The following TUSC3 variants were observed in gnomAD, a reference collection of about 807,000 sequenced individuals.
The protein encoded by TUSC3 is dolichyl-diphosphooligosaccharide--protein glycosyltransferase subunit TUSC3.
A neutral mutation model predicts 44.8 loss-of-function variants in TUSC3; 45 were observed. That is an observed-to-expected ratio of 1.00 (90% CI 0.79 to 1.29). The LOEUF is 1.29. Among genes scored for constraint, TUSC3 ranks in the 50% most tolerant of loss-of-function variants. TUSC3 has a pLI of 0.00. For synonymous variants in TUSC3, 212 were observed against 152.9 expected (o/e 1.39, Z -2.85); for missense variants, 519 against 437.9 (o/e 1.19, Z -1.65).
chr8:15,831,311 A>C, the TUSC3 span, among the ~76,000 whole-genome samples: 28 of 152,314 alleles, frequency 1.8e-4, no homozygotes, highest in South Asian at 5.6e-3. Context: ...AAGGTCATCA[A>C]CTTCAAACAA....
chr8:15,754,328 C>G (rs1811829237), intron 9 of TUSC3, among the ~76,000 whole-genome samples: 1 of 102,506 alleles, frequency 9.8e-6, no homozygotes, highest in East Asian at 2.5e-4. Context: ...CCATCCAAGA[C>G]AGAAATAAAT....
upstream of TUSC3, among the ~76,000 whole-genome samples, chr8:15,539,301 C>T (rs547819448): frequency 1.3e-5 from 2 of 149,250 alleles, no homozygotes; most frequent in Non-Finnish European, 3.0e-5. Context: ...TAGAACGGAT[C>T]AGGCCCATAT....
chr8:15,489,311 G>C (rs1800775901), intron 2 of TUSC3, among the ~76,000 whole-genome samples: 1 of 152,162 alleles, frequency 6.6e-6, no homozygotes, highest in Admixed American at 6.5e-5. Context: ...TAAAGACCTG[G>C]AATCAATAGA....
chr8:15,611,009 C>A (rs1804738940), intron 1 of TUSC3, among the ~76,000 whole-genome samples: 1 of 151,748 alleles, frequency 6.6e-6, no homozygotes, highest in African/African-American at 2.4e-5. Flanking sequence ...GCTTCTTTTT[C>A]AAAAAAAGTG....
In TUSC3 at chr8:15,764,246, T is replaced by A; in HGVS notation, c.*90T>A. 1.9e-6 allele frequency: 3 copies of A among 1,603,588 alleles called. No homozygotes were observed. The highest frequency in any genetic ancestry group is 2.6e-6 in the Non-Finnish European group (3 of 1,171,990). ...CCAAGTGGGATTTGCATAAAGTGAA[T>A]GTTTACCATGAAGATAAACTGTTCC... On this transcript the variant is annotated 3_prime_UTR_variant, in exon 11 of 11. Coordinates refer to ENST00000503731, the MANE Select transcript of TUSC3 (RefSeq NM_006765.4).
At chr8:15,595,641 A>T (rs1220182860) in intron 1 of TUSC3, among the ~76,000 whole-genome samples, 1 of 152,092 alleles carries the variant, frequency 6.6e-6, no homozygotes, top group East Asian at 1.9e-4. Flanking sequence ...CAGAAATGGA[A>T]GGAGTATATT....
intron 2 of TUSC3, among the ~76,000 whole-genome samples, chr8:15,512,119 A>G (rs58741181): frequency 0.048 from 7,383 of 152,316 alleles, 580 homozygotes; most frequent in African/African-American, 0.16. Context: ...AAAACTTACT[A>G]TAAAGCTATA....
At chr8:15,670,075 C>G (rs1807875430) in intron 5 of TUSC3, among the ~76,000 whole-genome samples, 1 of 151,750 alleles carries the variant, frequency 6.6e-6, no homozygotes, top group Non-Finnish European at 1.5e-5. Flanking sequence ...GATATGCACA[C>G]TGAAAACTGA....
At chr8:15,532,698 A>T (rs148287145) in intron 2 of TUSC3, among the ~76,000 whole-genome samples, 1 of 152,146 alleles carries the variant, frequency 6.6e-6, no homozygotes, top group Non-Finnish European at 1.5e-5. Context: ...AGCTCCCATA[A>T]TTACCATTTG....
At chr8:15,570,179 T>C (rs73665439) in intron 1 of TUSC3, among the ~76,000 whole-genome samples, 1,875 of 152,116 alleles carry the variant, frequency 0.012, 48 homozygotes, top group African/African-American at 0.044. Flanking sequence ...TTGCATGTTA[T>C]ATGTCATCTG....
intron 1 of TUSC3, among the ~76,000 whole-genome samples, chr8:15,617,807 G>T (rs1167438973): frequency 6.6e-6 from 1 of 152,038 alleles, no homozygotes; most frequent in Non-Finnish European, 1.5e-5. Flanking sequence ...CCCAACCCTG[G>T]CTGATCATTT....
Position 15,614,509 on chromosome 8 carries a change from C to T in TUSC3, c.139-8571C>T, listed in dbSNP as rs1804904587. ...CTACTTCTTGTCTTTATAAATTTGC[C>T]TTTCTAGACTTTTTATATAAATGGG... On this transcript the variant is annotated intron_variant, in intron 1 of 10. Transcript: ENST00000503731. 2.6e-5 allele frequency among the ~76,000 whole-genome samples: 4 copies of T among 152,058 alleles called. No homozygotes were observed. The South Asian group carries it at 8.3e-4, about 32-fold the overall frequency.
At chr8:15,467,947 C>G (rs563897398) in intron 1 of TUSC3, among the ~76,000 whole-genome samples, 3 of 152,150 alleles carry the variant, frequency 2.0e-5, no homozygotes, top group East Asian at 1.9e-4. Context: ...ATTTTAAAAA[C>G]TAGTTAAAAT....
chr8:15,551,158 A>G (rs2129136591), intron 1 of TUSC3, among the ~76,000 whole-genome samples: 1 of 151,868 alleles, frequency 6.6e-6, no homozygotes, highest in African/African-American at 2.4e-5. Flanking sequence ...AAAGTTTCCC[A>G]TTAGTTCTCT....
the TUSC3 span, among the ~76,000 whole-genome samples, chr8:15,848,947 C>A: frequency 6.6e-5 from 10 of 152,264 alleles, no homozygotes; most frequent in Admixed American, 2.0e-4. Flanking sequence ...AGTATTACTT[C>A]TTTACCTCAA....
intron 1 of TUSC3, among the ~76,000 whole-genome samples, chr8:15,438,694 C>T (rs1799982260): frequency 1.3e-5 from 2 of 152,194 alleles, no homozygotes; most frequent in African/African-American, 4.8e-5. Context: ...GCATAATGTT[C>T]TGTAGAATAA....
At chr8:15,698,022 T>A (rs1182312722) in intron 6 of TUSC3, among the ~76,000 whole-genome samples, 2 of 152,154 alleles carry the variant, frequency 1.3e-5, no homozygotes, top group African/African-American at 4.8e-5. Context: ...AAATACAAAG[T>A]TAATATACAC....
intron 1 of TUSC3, among the ~76,000 whole-genome samples, chr8:15,548,506 T>A (rs1801951118): frequency 6.6e-6 from 1 of 151,830 alleles, no homozygotes; most frequent in African/African-American, 2.4e-5. Flanking sequence ...GATGCTTTGG[T>A]TGCTGAAACC....
intron 3 of TUSC3, among the ~76,000 whole-genome samples, chr8:15,653,156 C>G (rs1333635134): frequency 6.6e-6 from 1 of 152,002 alleles, no homozygotes; most frequent in Non-Finnish European, 1.5e-5. Flanking sequence ...GCATCTGATC[C>G]TTGGTGTCAT....
Sources: allele counts gnomAD v4.1 joint callset (sites outside exome capture counted in the v4.1 genomes callset), GRCh38; gene constraint gnomAD v4.1.1; transcripts MANE v1.5; gene names NCBI Gene and HGNC (gene_info 2026-07-23, HGNC 2026-07-21).